The following ARHGAP31 variants were observed in gnomAD, a reference collection of about 807,000 sequenced individuals.
ARHGAP31 encodes rho GTPase-activating protein 31.
ARHGAP31 carries 34 observed loss-of-function variants against 113.9 expected under a neutral mutation model. That is an observed-to-expected ratio of 0.30 (90% CI 0.23 to 0.40). The LOEUF is 0.40. Ranked by LOEUF, ARHGAP31 falls within the 10% of genes least tolerant of loss-of-function variation. The probability of loss-of-function intolerance (pLI) is 1.00; values close to 1 mark genes in which losing one functional copy is unlikely to be tolerated. For synonymous variants in ARHGAP31, 650 were observed against 684.8 expected (o/e 0.95, Z 0.79); for missense variants, 1,548 against 1,767.1 (o/e 0.88, Z 2.22).
In ARHGAP31 at chr3:119,414,864, G is replaced by T; in HGVS notation, c.2935G>T (p.Glu979Ter). 2 of 1,614,210 alleles carry T rather than the reference G, an allele frequency of 1.2e-6. No individual in the cohort carries two copies. Among genetic ancestry groups the T allele is most frequent in the Non-Finnish European group, 1.7e-6 (2 of 1,180,040 alleles). ...CTCCTCCAGCAGCTGTGCTAATCTT[G>T]AAACAGAGAGGAATTCTGACCCTCT... is the stretch of plus-strand genomic sequence containing the variant. ...VPSSSSCANL[E>*]TERNSDPLQP... Residue 979 changes from glutamate to a stop codon, truncating the protein, a stop_gained, in exon 12 of 12, where the codon GAA becomes TAA. Transcript: ENST00000264245. LOFTEE classifies it high-confidence loss of function.
At chr3:119,340,789 T>C (rs1295920389) in intron 1 of ARHGAP31, among the ~76,000 whole-genome samples, 1 of 152,238 alleles carries the variant, frequency 6.6e-6, no homozygotes, top group Non-Finnish European at 1.5e-5. Context: ...GATTTAATTT[T>C]GTTGACCATG....
At chr3:119,348,258 T>C (rs1048328139) in intron 1 of ARHGAP31, among the ~76,000 whole-genome samples, 1 of 152,262 alleles carries the variant, frequency 6.6e-6, no homozygotes, top group African/African-American at 2.4e-5. Flanking sequence ...TTACATTACA[T>C]ATTACAATGT....
At chr3:119,349,250 G>A (rs2080089559) in intron 1 of ARHGAP31, among the ~76,000 whole-genome samples, 1 of 152,196 alleles carries the variant, frequency 6.6e-6, no homozygotes, top group South Asian at 2.1e-4. Flanking sequence ...TATCCCTCAA[G>A]TATGTTCCCT....
intron 1 of ARHGAP31, among the ~76,000 whole-genome samples, chr3:119,340,032 G>A (rs938171832): frequency 1.2e-4 from 19 of 152,244 alleles, no homozygotes; most frequent in African/African-American, 4.6e-4. Context: ...ATCCAACAAA[G>A]CACTAGTATA....
intron 1 of ARHGAP31, among the ~76,000 whole-genome samples, chr3:119,352,356 C>T (rs1212690569): frequency 6.6e-6 from 1 of 152,210 alleles, no homozygotes; most frequent in African/African-American, 2.4e-5. Flanking sequence ...GCTCTCCCCA[C>T]TGGCTCATTC....
intron 2 of ARHGAP31, among the ~76,000 whole-genome samples, chr3:119,365,892 A>G (rs1256377167): frequency 2.6e-5 from 4 of 152,280 alleles, no homozygotes; most frequent in African/African-American, 7.2e-5. Flanking sequence ...GCATGTCTCT[A>G]ATTGATGCTA....
intron 1 of ARHGAP31, among the ~76,000 whole-genome samples, chr3:119,341,325 G>A (rs972766669): frequency 9.2e-5 from 14 of 152,174 alleles, no homozygotes; most frequent in Non-Finnish European, 1.2e-4. Context: ...TTAAGCTGGC[G>A]TTGCTGTTGC....
chr3:119,329,160 C>T (rs1422176277), intron 1 of ARHGAP31, among the ~76,000 whole-genome samples: 1 of 152,176 alleles, frequency 6.6e-6, no homozygotes, highest in Non-Finnish European at 1.5e-5. Context: ...TGTGCACAGT[C>T]CCCAAAGGCT....
At chr3:119,396,347 T>C (rs1270584733) in intron 8 of ARHGAP31, among the ~76,000 whole-genome samples, 2 of 152,222 alleles carry the variant, frequency 1.3e-5, no homozygotes, top group African/African-American at 4.8e-5. Flanking sequence ...ATGCAGTCAG[T>C]GTTGAAAGTC....
At chr3:119,311,444 A>G (rs371110177) in intron 1 of ARHGAP31, among the ~76,000 whole-genome samples, 3 of 152,348 alleles carry the variant, frequency 2.0e-5, no homozygotes, top group South Asian at 4.1e-4. Flanking sequence ...CCACTCAGAC[A>G]ATCCAAAATA....
intron 10 of ARHGAP31, among the ~76,000 whole-genome samples, chr3:119,407,326 G>A (rs866999086): frequency 6.4e-5 from 9 of 139,962 alleles, no homozygotes; most frequent in African/African-American, 1.9e-4. Context: ...CAGCCTGGGC[G>A]ACAGAGCAAG....
At chr3:119,393,089 A>AAATG (rs1461132419) in intron 7 of ARHGAP31, among the ~76,000 whole-genome samples, 4 of 152,198 alleles carry the variant, frequency 2.6e-5, no homozygotes, top group Non-Finnish European at 5.9e-5. Flanking sequence ...TAAATGAATA[A>AAATG]AATGAATGAA....
In ARHGAP31 at chr3:119,294,881, G is replaced by A. The variant is rs750748733; in HGVS notation, c.-24G>A. The A allele has an allele frequency of 6.2e-7, 1 of 1,609,398 alleles. No homozygotes were observed. Among genetic ancestry groups the A allele is most frequent in the Non-Finnish European group, 8.5e-7 (1 of 1,176,030 alleles). On this transcript the variant is annotated 5_prime_UTR_variant, in exon 1 of 12. Transcript: ENST00000264245. The stretch of plus-strand genomic sequence containing the variant: ...AAGCAGAGGGGCGGCAGAGACGGAG[G>A]GGCAGCCTCTTTGGGACTAACTCAT...
At chr3:119,337,379 C>T (rs1206376794) in intron 1 of ARHGAP31, among the ~76,000 whole-genome samples, 1 of 152,154 alleles carries the variant, frequency 6.6e-6, no homozygotes, top group African/African-American at 2.4e-5. Context: ...TCGCTGACTT[C>T]AGGAGTGAAG....
chr3:119,342,858 A>G (rs998237369), intron 1 of ARHGAP31, among the ~76,000 whole-genome samples: 3 of 152,094 alleles, frequency 2.0e-5, no homozygotes, highest in Non-Finnish European at 4.4e-5. Context: ...CTGAGGCAGG[A>G]GAATCGCTTG....
intron 6 of ARHGAP31, among the ~76,000 whole-genome samples, chr3:119,386,098 A>C (rs2080445957): frequency 6.6e-6 from 1 of 152,196 alleles, no homozygotes; most frequent in South Asian, 2.1e-4. Context: ...CATACATTTC[A>C]TTTAAAGGTT....
chr3:119,372,280 CTTTTTTTT>C (rs758369404), intron 3 of ARHGAP31, among the ~76,000 whole-genome samples: 1 of 129,000 alleles, frequency 7.8e-6, no homozygotes. Context: ...TTATTTCTGA[CTTTTTTTT>C]TTTTTTTTTT....
At chr3:119,361,425 A>G (rs1479662620) in intron 1 of ARHGAP31, among the ~76,000 whole-genome samples, 1 of 143,190 alleles carries the variant, frequency 7.0e-6, no homozygotes, top group Non-Finnish European at 1.5e-5. Flanking sequence ...TTTGTCGCCC[A>G]GTCTGGAGTT....
intron 1 of ARHGAP31, among the ~76,000 whole-genome samples, chr3:119,347,319 A>G (rs1044744877): frequency 6.6e-6 from 1 of 152,244 alleles, no homozygotes; most frequent in African/African-American, 2.4e-5. Context: ...TAAGACAGAC[A>G]TAGCTCTGCA....
Sources: gnomAD v4.1 joint callset for allele counts (sites outside exome capture counted in the v4.1 genomes callset) on GRCh38, gnomAD v4.1.1 for gene constraint, MANE v1.5 for transcripts, NCBI Gene and HGNC (gene_info 2026-07-23, HGNC 2026-07-21) for gene names.